The following PGLYRP3 variants were observed in gnomAD, a reference collection of about 807,000 sequenced individuals.
PGLYRP3 encodes the protein peptidoglycan recognition protein I alpha.
A neutral mutation model predicts 36.0 loss-of-function variants in PGLYRP3; 39 were observed. The observed-to-expected ratio is 1.08, with a 90% CI of 0.84 to 1.41. PGLYRP3 has a LOEUF of 1.41. PGLYRP3 is among the 40% of genes most tolerant of loss of function. The probability of loss-of-function intolerance (pLI) is 0.00; values close to 1 mark genes in which losing one functional copy is unlikely to be tolerated. For missense variants in PGLYRP3, 407 were observed against 427.9 expected (o/e 0.95, Z 0.43); for synonymous variants, 204 against 172.8 (o/e 1.18, Z -1.42).
chr1:153,312,688 G>A lies in PGLYRP3; in HGVS notation c.-87C>T, dbSNP rs989490328. Among the ~76,000 whole-genome samples, 5 of 152,014 alleles carry A rather than the reference G, an allele frequency of 3.3e-5. No homozygotes were observed. Among genetic ancestry groups the A allele is most frequent in the East Asian group, 1.9e-4 (1 of 5,172 alleles). ...CAGCCCAGCAGGTCAGGGTGCAGTCGGCTCGCCCCTGATTGGCCAGCAGCT... is the reference window on the plus strand; with the variant it reads ...CAGCCCAGCAGGTCAGGGTGCAGTCAGCTCGCCCCTGATTGGCCAGCAGCT... On this transcript the variant is annotated 5_prime_UTR_variant, in exon 1 of 8. Transcript: ENST00000683862.
chr1:153,302,296 T>C (rs1659615513), intron 6 of PGLYRP3, 113 bp downstream of exon 6: 17 of 1,209,310 alleles, frequency 1.4e-5, no homozygotes, highest in Non-Finnish European at 2.0e-5. Flanking sequence ...TGATGCCTTA[T>C]GGAAACCACC....
chr1:153,297,525 AGG>A lies in PGLYRP3; in HGVS notation c.*429_*430del, dbSNP rs1466508990. On this transcript the variant is annotated 3_prime_UTR_variant, in exon 8 of 8. Coordinates refer to ENST00000683862, the MANE Select transcript of PGLYRP3 (RefSeq NM_052891.3). ...AAGGAAGGAAGGAAGGAAGGAAGGA[AGG>A]AAGGAAGGAAGGAAGGAAGGAAGGA... 4.2e-4 allele frequency among the ~76,000 whole-genome samples: 35 copies of A among 83,648 alleles called. No individual in the cohort carries two copies. The highest frequency in any genetic ancestry group is 1.6e-3 in the African/African-American group (33 of 20,636). The allele number at this position is 83,648 out of a possible 152,430, so 54.9% of individuals were successfully genotyped here.
intron 2 of PGLYRP3, 79 bp from the exon 3 acceptor site, chr1:153,307,346 C>G (rs1659770433): frequency 2.8e-6 from 4 of 1,412,174 alleles, no homozygotes; most frequent in Non-Finnish European, 2.9e-6. Flanking sequence ...GCCCTGACCT[C>G]TCATGCTCAG....
Position 153,297,642 on chromosome 1 carries a change from G to A in PGLYRP3, c.*314C>T, listed in dbSNP as rs1265471684. Among the ~76,000 whole-genome samples, 6 of 151,824 alleles carry A rather than the reference G, an allele frequency of 4.0e-5. No individual in the cohort carries two copies. The highest frequency in any genetic ancestry group is 8.8e-5 in the Non-Finnish European group (6 of 67,984). On this transcript the variant is annotated 3_prime_UTR_variant, in exon 8 of 8. Transcript: ENST00000683862. ...AAGAAAGAAAGAAGAGGAGACAGGG[G>A]TTGGGGGGAGAGAGAGAGAAATGCC... is the stretch of plus-strand genomic sequence containing the variant.
At chr1:153,308,108 C>T (rs1346847312) in intron 2 of PGLYRP3, among the ~76,000 whole-genome samples, 1 of 151,894 alleles carries the variant, frequency 6.6e-6, no homozygotes, top group African/African-American at 2.4e-5. Flanking sequence ...AATTCTCTTG[C>T]TTCAGCCTCC....
intron 6 of PGLYRP3, among the ~76,000 whole-genome samples, 188 bp from the exon 7 acceptor site, chr1:153,299,419 A>G (rs182504936): frequency 6.6e-6 from 1 of 152,326 alleles, no homozygotes; most frequent in East Asian, 1.9e-4. Context: ...GTCCACTTCA[A>G]CCTGGCCTTT....
Position 153,304,972 on chromosome 1 carries a change from G to A in PGLYRP3, c.351C>T (p.Gly117=), listed in dbSNP as rs1659700539. 1 of 1,613,864 alleles carries A rather than the reference G, an allele frequency of 6.2e-7. No homozygotes were observed. ...CTATCTTATTGCCAAAGAAGGCGAT[G>A]CCCAGGGAAATGTTGTTGTAGCCCT... ...HTQGYNNISL[G]IAFFGNKIGS... Residue 117 remains glycine, a synonymous_variant, in exon 4 of 8, where the codon GGC becomes GGT. Coordinates refer to ENST00000683862, the MANE Select transcript of PGLYRP3 (RefSeq NM_052891.3).
chr1:153,304,074 C>A (rs1659674951), intron 4 of PGLYRP3, 65 bp from the exon 5 acceptor site: 1 of 1,476,450 alleles, frequency 6.8e-7, no homozygotes, highest in Admixed American at 1.9e-5. Context: ...CAGACACCTG[C>A]AGAAAGGATG....
intron 6 of PGLYRP3, among the ~76,000 whole-genome samples, chr1:153,301,155 A>G (rs1659586013): frequency 6.6e-6 from 1 of 152,162 alleles, no homozygotes; most frequent in Non-Finnish European, 1.5e-5. Flanking sequence ...TCCTGACCTC[A>G]AGCAATCCTT....
rs193066570 is a variant in PGLYRP3 at position 153,300,579 on chromosome 1, C to T, written c.729-1348G>A. On this transcript the variant is annotated intron_variant, in intron 6 of 7. Transcript: ENST00000683862. ...TACAATAAGAACTAGCACAAAGACTCTCTGAAGGACTCTTACGCACACAAG... is the reference window on the plus strand; with the variant it reads ...TACAATAAGAACTAGCACAAAGACTTTCTGAAGGACTCTTACGCACACAAG... Among the ~76,000 whole-genome samples the T allele has an allele frequency of 1.9e-3, 292 of 152,272 alleles. 1 individual carries two copies. The highest frequency in any genetic ancestry group is 6.4e-3 in the African/African-American group (265 of 41,552).
In PGLYRP3 at chr1:153,303,934, G is replaced by A. The variant is rs371637331; in HGVS notation, c.452C>T (p.Ser151Leu). The A allele has an allele frequency of 2.5e-5, 40 of 1,614,062 alleles. No homozygotes were observed. Among genetic ancestry groups the A allele is most frequent in the East Asian group, 6.7e-5 (3 of 44,884 alleles). ...ISYAIQKGHL[S>L]PRYIQPLLLK... The stretch of plus-strand genomic sequence containing the variant: ...AAGAAGTGGCTGAATATACCTGGGC[G>A]ACAGGTGACCCTTCTGGATGGCATA... Residue 151 changes from serine (S) to leucine (L), a missense_variant, in exon 5 of 8, where the codon TCG becomes TTG. Coordinates refer to ENST00000683862, the MANE Select transcript of PGLYRP3 (RefSeq NM_052891.3).
chr1:153,310,875 T>C (rs1659878842), intron 1 of PGLYRP3, among the ~76,000 whole-genome samples, 169 bp from the exon 2 acceptor site: 2 of 152,072 alleles, frequency 1.3e-5, no homozygotes, highest in Non-Finnish European at 2.9e-5. Context: ...TCCCAATAAA[T>C]GTGAGGGCAC....
intron 3 of PGLYRP3, 132 bp from the exon 4 acceptor site, chr1:153,305,197 T>C: frequency 1.6e-6 from 1 of 626,196 alleles, no homozygotes; most frequent in Non-Finnish European, 2.7e-6. Context: ...CAATAGGAGG[T>C]GCAGAATAAC....
chr1:153,299,696 G>A (rs993147994), intron 6 of PGLYRP3, among the ~76,000 whole-genome samples: 27 of 152,070 alleles, frequency 1.8e-4, no homozygotes, highest in Non-Finnish European at 2.9e-4. Context: ...CTCACTCAAC[G>A]TATTCACCCT....
intron 1 of PGLYRP3, among the ~76,000 whole-genome samples, chr1:153,311,860 A>T (rs1167244142): frequency 6.6e-6 from 1 of 152,242 alleles, no homozygotes; most frequent in Admixed American, 6.5e-5. Flanking sequence ...CACTTAGCAG[A>T]TAACACCCAG....
intron 2 of PGLYRP3, among the ~76,000 whole-genome samples, chr1:153,309,317 G>A (rs1659840235): frequency 6.6e-6 from 1 of 152,214 alleles, no homozygotes; most frequent in African/African-American, 2.4e-5. Flanking sequence ...GCTGTCTATA[G>A]AGAAGGGAAA....
chr1:153,300,165 C>T (rs545010419), intron 6 of PGLYRP3, among the ~76,000 whole-genome samples: 1 of 152,252 alleles, frequency 6.6e-6, no homozygotes, highest in East Asian at 1.9e-4. Flanking sequence ...CCACTCCTCT[C>T]TTTCAAATCT....
Position 153,307,285 on chromosome 1 carries a change from G to T in PGLYRP3, c.56-18C>A. On this transcript the variant is annotated intron_variant, in intron 2 of 7. Coordinates refer to ENST00000683862, the MANE Select transcript of PGLYRP3 (RefSeq NM_052891.3). Reference sequence around the variant, plus strand: ...GGGAGTATCTGTAGGGAAGACCACAGAATGGCACATAGCAGGCCCTGCCCA... The same window carrying T: ...GGGAGTATCTGTAGGGAAGACCACATAATGGCACATAGCAGGCCCTGCCCA... The T allele has an allele frequency of 6.3e-7, 1 of 1,576,394 alleles. No individual in the cohort carries two copies. Among genetic ancestry groups the T allele is most frequent in the South Asian group, 1.2e-5 (1 of 86,200 alleles).
At position 153,305,857 on chromosome 1, in the gene PGLYRP3, A is replaced by G. The variant is rs569610044; in HGVS notation, c.258-792T>C. Among the ~76,000 whole-genome samples, 3 of 152,368 alleles carry G rather than the reference A, an allele frequency of 2.0e-5. No homozygotes were observed. The South Asian group carries it at 6.2e-4, about 32-fold the overall frequency. ...CTGGCTTTGCTGCCAGTACTTTCAC[A>G]GGTTCCTTGGTCACTCCTGCAGCAG... On this transcript the variant is annotated intron_variant, in intron 3 of 7. Coordinates refer to ENST00000683862, the MANE Select transcript of PGLYRP3 (RefSeq NM_052891.3).
Sources: gnomAD v4.1 joint callset for allele counts (sites outside exome capture counted in the v4.1 genomes callset) on GRCh38, gnomAD v4.1.1 for gene constraint, MANE v1.5 for transcripts, NCBI Gene and HGNC (gene_info 2026-07-23, HGNC 2026-07-21) for gene names.